Variants in MAP4K4 observed in about 807,000 individuals in gnomAD.
The protein encoded by MAP4K4 is HPK/GCK-like kinase HGK.
MAP4K4 carries 38 observed loss-of-function variants against 189.6 expected under a neutral mutation model. The observed-to-expected ratio is 0.20, with a 90% CI of 0.15 to 0.26. MAP4K4 has a LOEUF of 0.26. Among genes scored for constraint, MAP4K4 ranks in the 10% least tolerant of loss-of-function variants. MAP4K4 has a pLI of 1.00. For missense variants in MAP4K4, 1,054 were observed against 1,726.9 expected (o/e 0.61, Z 6.91); for synonymous variants, 610 against 624.3 (o/e 0.98, Z 0.34).
intron 27 of MAP4K4, among the ~76,000 whole-genome samples, chr2:101,878,170 T>TTTA (rs1361823221): frequency 6.6e-6 from 1 of 152,216 alleles, no homozygotes; most frequent in Non-Finnish European, 1.5e-5. Context: ...TCTTTTAACT[T>TTTA]TTATAAGTTT....
In MAP4K4 at chr2:101,857,025, A is replaced by G. The variant is rs768754778; in HGVS notation, c.1395+887A>G. ...TTATGTTACCTAATTGACGTTGTCA[A>G]CCATTTAACTGTGTAGCGCGTGTGC... is the stretch of plus-strand genomic sequence containing the variant. On this transcript the variant is annotated intron_variant, in intron 13 of 32. Coordinates refer to ENST00000324219, the Ensembl canonical transcript of MAP4K4. 4.6e-5 allele frequency among the ~76,000 whole-genome samples: 7 copies of G among 152,324 alleles called. No individual in the cohort carries two copies. The East Asian group carries it at 5.8e-4, about 13-fold the overall frequency.
chr2:101,729,101 A>AGAGTGT lies in MAP4K4; in HGVS notation c.123+30564_123+30565insAGTGTG, dbSNP rs149283961. Among the ~76,000 whole-genome samples, 201 of 130,602 alleles carry AGAGTGT rather than the reference A, an allele frequency of 1.5e-3. 1 individual carries two copies. The highest frequency in any genetic ancestry group is 0.01 in the South Asian group (38 of 3,800). 85.7% of individuals were successfully genotyped at this position (130,602 alleles called of 152,430 possible). A position where few individuals can be genotyped will look rare whatever the true frequency, so the allele number is the denominator to read the frequency against. On this transcript the variant is annotated intron_variant, in intron 2 of 32. Coordinates refer to ENST00000324219, the Ensembl canonical transcript of MAP4K4. ...AGGAGAGAGAGAGAGAGAGAGAGAG[A>AGAGTGT]GTGTGTGTGTGTGTGTGTGTGTGTG...
At chr2:101,701,716 A>T (rs1371438850) in intron 2 of MAP4K4, among the ~76,000 whole-genome samples, 1 of 152,198 alleles carries the variant, frequency 6.6e-6, no homozygotes, top group Non-Finnish European at 1.5e-5. Context: ...ATACTCATAA[A>T]CTTAAAATTG....
At chr2:101,805,277 T>G (rs1228049864) in intron 3 of MAP4K4, among the ~76,000 whole-genome samples, 1 of 152,088 alleles carries the variant, frequency 6.6e-6, no homozygotes, top group Non-Finnish European at 1.5e-5. Flanking sequence ...AGTCACTAAC[T>G]GTTCCATGCA....
Position 101,877,000 on chromosome 2 carries a change from C to T in MAP4K4, c.3242-3C>T, listed in dbSNP as rs2098224947. The stretch of plus-strand genomic sequence containing the variant: ...TTGAGGCCTTTCTGTGTCCCTGAAA[C>T]AGGAGTGAATTTGCTAGTGGGTACA... On this transcript the variant is annotated splice_polypyrimidine_tract_variant and splice_region_variant and intron_variant, in intron 26 of 32. Coordinates refer to ENST00000324219, the Ensembl canonical transcript of MAP4K4. The T allele has an allele frequency of 6.2e-7, 1 of 1,613,808 alleles. No homozygotes were observed. Among genetic ancestry groups the T allele is most frequent in the Non-Finnish European group, 8.5e-7 (1 of 1,179,808 alleles).
At chr2:101,747,320 T>C (rs2066164072) in intron 2 of MAP4K4, among the ~76,000 whole-genome samples, 1 of 152,156 alleles carries the variant, frequency 6.6e-6, no homozygotes. Context: ...GGTTTCACCA[T>C]GTTGGCCAGG....
At chr2:101,713,062 C>T (rs971925893) in intron 2 of MAP4K4, among the ~76,000 whole-genome samples, 1 of 151,752 alleles carries the variant, frequency 6.6e-6, no homozygotes, top group East Asian at 2.0e-4. Context: ...TGCCACCACA[C>T]CTTGGCTAAT....
chr2:101,739,018 G>A (rs757403810), intron 2 of MAP4K4, among the ~76,000 whole-genome samples: 66 of 152,034 alleles, frequency 4.3e-4, no homozygotes, highest in Non-Finnish European at 8.4e-4. Flanking sequence ...GGTACCTCTG[G>A]TAAGGCATTC....
rs149728225 is a variant in MAP4K4, at chr2:101,795,090, A to G, written c.180+4314A>G. Reference sequence around the variant, plus strand: ...GTTCTAGGTGAAGCCCACTTCACTCATAGCCTTCCCATTATTAGTGAAGCC... The same window carrying G: ...GTTCTAGGTGAAGCCCACTTCACTCGTAGCCTTCCCATTATTAGTGAAGCC... On this transcript the variant is annotated intron_variant, in intron 3 of 32. Coordinates refer to ENST00000324219, the Ensembl canonical transcript of MAP4K4. 6.7e-3 allele frequency among the ~76,000 whole-genome samples: 1,014 copies of G among 152,304 alleles called. 11 individuals carry two copies. Among genetic ancestry groups the G allele is most frequent in the African/African-American group, 0.024 (981 of 41,572 alleles).
intron 2 of MAP4K4, among the ~76,000 whole-genome samples, chr2:101,734,752 G>A (rs187121772): frequency 2.6e-5 from 4 of 152,236 alleles, no homozygotes; most frequent in East Asian, 1.9e-4. Flanking sequence ...GAGAGATTGC[G>A]GCAGTAGAAA....
At chr2:101,870,152 A>C in intron 22 of MAP4K4, 143 bp from the exon 23 acceptor site, 1 of 790,840 alleles carries the variant, frequency 1.3e-6, no homozygotes, top group East Asian at 2.7e-5. Context: ...TAAAGGGAGA[A>C]AGCTAAGCAG....
At chr2:101,845,936 A>G (rs1324421750) in intron 12 of MAP4K4, among the ~76,000 whole-genome samples, 2 of 152,210 alleles carry the variant, frequency 1.3e-5, no homozygotes, top group Non-Finnish European at 2.9e-5. Context: ...AACACATGCT[A>G]TTAAATATTA....
intron 2 of MAP4K4, among the ~76,000 whole-genome samples, chr2:101,737,459 ATATTTTTTTTT>A (rs1335452585): frequency 3.5e-4 from 11 of 31,632 alleles, no homozygotes; most frequent in African/African-American, 1.7e-3. Context: ...ATATATATAT[ATATTTTTTTTT>A]TTTTTTTTTT....
At chr2:101,760,044 C>T (rs1035439905) in intron 2 of MAP4K4, among the ~76,000 whole-genome samples, 2 of 152,018 alleles carry the variant, frequency 1.3e-5, no homozygotes, top group Non-Finnish European at 2.9e-5. Flanking sequence ...TGGGGTTTCA[C>T]TATGTTGGCC....
At chr2:101,849,241 A>G (rs995881867) in intron 12 of MAP4K4, among the ~76,000 whole-genome samples, 4 of 151,918 alleles carry the variant, frequency 2.6e-5, no homozygotes, top group Non-Finnish European at 4.4e-5. Context: ...TCCTGGCTCT[A>G]CCTCTCTAGT....
chr2:101,702,780 T>C (rs576201719), intron 2 of MAP4K4, among the ~76,000 whole-genome samples: 44 of 152,242 alleles, frequency 2.9e-4, no homozygotes, highest in African/African-American at 9.6e-4. Flanking sequence ...GGAGGAAGGG[T>C]ACAATGTGGA....
At chr2:101,853,498 T>C (rs1008628360) in intron 12 of MAP4K4, among the ~76,000 whole-genome samples, 3 of 152,112 alleles carry the variant, frequency 2.0e-5, no homozygotes, top group Non-Finnish European at 4.4e-5. Flanking sequence ...TGGTGGATAA[T>C]AGGACACAAG....
intron 3 of MAP4K4, among the ~76,000 whole-genome samples, chr2:101,808,855 T>C (rs1248868187): frequency 6.6e-6 from 1 of 152,004 alleles, no homozygotes; most frequent in East Asian, 1.9e-4. Context: ...CTTTTTTCTC[T>C]AACAGTAAAA....
intron 3 of MAP4K4, among the ~76,000 whole-genome samples, chr2:101,801,019 T>A (rs1357830807): frequency 1.1e-5 from 1 of 90,906 alleles, no homozygotes; most frequent in Non-Finnish European, 2.0e-5. Flanking sequence ...TTTTGTATAA[T>A]CTAAATTGCT....
Sources: gnomAD v4.1 joint callset for allele counts (sites outside exome capture counted in the v4.1 genomes callset) on GRCh38, gnomAD v4.1.1 for gene constraint, MANE v1.5 for transcripts, NCBI Gene and HGNC (gene_info 2026-07-23, HGNC 2026-07-21) for gene names.